Variants in SYNM observed in about 807,000 individuals in gnomAD.
The protein encoded by SYNM is desmuslin.
A neutral mutation model predicts 104.0 loss-of-function variants in SYNM; 95 were observed. That is an observed-to-expected ratio of 0.91 (90% CI 0.77 to 1.08). SYNM has a LOEUF of 1.08. SYNM is among the 50% of genes least tolerant of loss of function. SYNM has a pLI of 0.00. For missense variants in SYNM, 2,150 were observed against 2,052.2 expected, an observed-to-expected ratio of 1.05 and a Z score of -0.92; for synonymous variants, 918 against 869.0, an observed-to-expected ratio of 1.06 and a Z score of -0.99.
chr15:99,115,467 C>CTTTTTT (rs1239411620), intron 2 of SYNM, among the ~76,000 whole-genome samples: 2 of 99,116 alleles, frequency 2.0e-5, no homozygotes, highest in Admixed American at 1.1e-4. Flanking sequence ...TTATTTTATT[C>CTTTTTT]TATTTTTTTT....
Position 99,105,719 on chromosome 15 carries a change from G to C in SYNM, c.520G>C (p.Ala174Pro). Reference sequence around the variant, plus strand: ...TTTCCGCGCCCGCGCCACCGGCCCCGCCGCGCCGCCGCCACGCCTGCGGGA... The same window carrying C: ...TTTCCGCGCCCGCGCCACCGGCCCCCCCGCGCCGCCGCCACGCCTGCGGGA... ...MHFRARATGP[A>P]APPPRLREVH... is the part of the protein sequence containing the mutation. The change falls in exon 1 of 4, where the codon GCC becomes CCC. Residue 174 changes from alanine to proline, a missense_variant. Ala to Pro is a conservative substitution (Grantham distance 27, BLOSUM62 -1). Coordinates refer to ENST00000336292, the MANE Select transcript of SYNM (RefSeq NM_145728.3). 6.7e-7 allele frequency: 1 copy of C among 1,498,116 alleles called. No individual in the cohort carries two copies. Among genetic ancestry groups the C allele is most frequent in the Non-Finnish European group, 8.9e-7 (1 of 1,128,016 alleles). 92.8% of individuals were successfully genotyped at this position (1,498,116 alleles called of 1,614,324 possible). A position where few individuals can be genotyped will look rare whatever the true frequency, so the allele number is the denominator to read the frequency against.
chr15:99,119,651 A>G (rs1555484326), intron 2 of SYNM, among the ~76,000 whole-genome samples: 1 of 152,210 alleles, frequency 6.6e-6, no homozygotes, highest in Non-Finnish European at 1.5e-5. Context: ...GAGAGGCCAC[A>G]CTTTAGAGAA....
chr15:99,130,362 G>T lies in SYNM; in HGVS notation c.2002G>T (p.Val668Phe), dbSNP rs781879353. Residue 668 changes from valine to phenylalanine, a missense_variant, in exon 4 of 4, where the codon GTC (valine) becomes TTC (phenylalanine). By Grantham distance (50) the Val-to-Phe change is conservative. Coordinates refer to ENST00000336292, the MANE Select transcript of SYNM (RefSeq NM_145728.3). ...TGCTGATTCTTTTCCAGACACAAAAGTCACTTACGTGGACAGGAAAGAGCT... is the reference window on the plus strand; with the variant it reads ...TGCTGATTCTTTTCCAGACACAAAATTCACTTACGTGGACAGGAAAGAGCT... ...ASADSFPDTK[V>F]TYVDRKELPG... 5 of 1,613,714 alleles carry T rather than the reference G, an allele frequency of 3.1e-6. No homozygotes were observed. The South Asian group carries it at 3.3e-5, about 11-fold the overall frequency.
chr15:99,109,184 C>T (rs190626001), intron 1 of SYNM, among the ~76,000 whole-genome samples: 3 of 152,258 alleles, frequency 2.0e-5, no homozygotes, highest in East Asian at 3.9e-4. Context: ...CTGTATGAGG[C>T]GGTAGTCATT....
rs782548252 is a variant in SYNM, at chr15:99,132,122, G to A, written c.3762G>A (p.Glu1254=). 2 of 1,614,042 alleles carry A rather than the reference G, an allele frequency of 1.2e-6. No homozygotes were observed. The highest frequency in any genetic ancestry group is 8.5e-7 in the Non-Finnish European group (1 of 1,179,908). Residue 1254 remains glutamate (E), a synonymous_variant, in exon 4 of 4, where the codon GAG becomes GAA. Transcript: ENST00000336292. The stretch of plus-strand genomic sequence containing the variant: ...TTGGTGATTATTTTGCAACAGAAGA[G>A]TCAGTGGGTACCCAGACTTCTGTCA... ...GKVGDYFATE[E]SVGTQTSVRQ... is the part of the protein sequence containing the mutation.
downstream of SYNM, chr15:99,136,738 G>C: frequency 8.7e-6 from 1 of 114,678 alleles, no homozygotes. Context: ...AACTAGATAG[G>C]ACACACGGTG....
intron 2 of SYNM, among the ~76,000 whole-genome samples, chr15:99,114,219 A>G (rs149092216): frequency 7.2e-5 from 11 of 152,326 alleles, no homozygotes; most frequent in East Asian, 1.9e-4. Flanking sequence ...GAAACTTACA[A>G]TCGTGGCGGA....
chr15:99,138,423 C>T (rs183524567), downstream of SYNM, among the ~76,000 whole-genome samples: 2 of 152,232 alleles, frequency 1.3e-5, no homozygotes, highest in East Asian at 1.9e-4. Flanking sequence ...AAGCAACTCT[C>T]ATGCCTCAGT....
rs1555485844 is a variant in SYNM, at chr15:99,131,361, G to A, written c.3001G>A (p.Ala1001Thr). Residue 1001 changes from alanine to threonine, a missense_variant, in exon 4 of 4, where the codon GCT becomes ACT. By Grantham distance (58) the Ala-to-Thr change is moderately conservative. Transcript: ENST00000336292. This position sits in a 1 kb window ranked among gnomAD's most constrained non-coding sequence, Gnocchi z 4.3. ...TGGTGGCAGTTCCGTGACCCTGGTT[G>A]CTGAAGTCAACGTCTCACAAACTGT... ...GAGGSSVTLV[A>T]EVNVSQTVDA... 6.2e-7 allele frequency: 1 copy of A among 1,613,316 alleles called. No individual in the cohort carries two copies.
In SYNM at chr15:99,130,372, T is replaced by C; in HGVS notation, c.2012T>C (p.Val671Ala). ...DSFPDTKVTY[V>A]DRKELPGERK... The stretch of plus-strand genomic sequence containing the variant: ...TTTCCAGACACAAAAGTCACTTACG[T>C]GGACAGGAAAGAGCTTCCTGGGGAA... Residue 671 changes from valine (V) to alanine (A), a missense_variant, in exon 4 of 4, where the codon GTG becomes GCG. By Grantham distance (64) the Val-to-Ala change is moderately conservative. Transcript: ENST00000336292. 6.2e-7 allele frequency: 1 copy of C among 1,613,694 alleles called. No homozygotes were observed. The highest frequency in any genetic ancestry group is 8.5e-7 in the Non-Finnish European group (1 of 1,179,774).
rs1248959241 is a variant in SYNM at position 99,131,662 on chromosome 15, C to T, written c.3302C>T (p.Ala1101Val). 6.2e-7 allele frequency: 1 copy of T among 1,612,050 alleles called. No individual in the cohort carries two copies. Among genetic ancestry groups the T allele is most frequent in the Non-Finnish European group, 8.5e-7 (1 of 1,179,598 alleles). ...CGCACTCCCCAGGGCCCAGTGTCGG[C>T]CACTGTGGAGGTCAGCAGCCCCACA... Reference protein sequence around the residue: ...GQRTPQGPVSATVEVSSPTGF... With the variant: ...GQRTPQGPVSVTVEVSSPTGF... Residue 1101 changes from alanine (A) to valine (V), a missense_variant, in exon 4 of 4, where the codon GCC becomes GTC. Ala to Val is a moderately conservative substitution (Grantham distance 64). Transcript: ENST00000336292. This position sits in a 1 kb window ranked among gnomAD's most constrained non-coding sequence, Gnocchi z 4.3.
Position 99,131,262 on chromosome 15 carries a change from C to T in SYNM, c.2902C>T (p.Leu968=). ...ETLPERMREE[L]SALTREGQGG... ...CCTTCCCGAGCGCATGAGGGAGGAG[C>T]TGTCCGCCCTCACCAGAGAGGGGCA... Residue 968 remains leucine (L), a synonymous_variant, in exon 4 of 4, where the codon CTG becomes TTG. Coordinates refer to ENST00000336292, the MANE Select transcript of SYNM (RefSeq NM_145728.3). This position sits in a 1 kb window ranked among gnomAD's most constrained non-coding sequence, Gnocchi z 4.3. 1 of 1,611,050 alleles carries T rather than the reference C, an allele frequency of 6.2e-7. No homozygotes were observed. Among genetic ancestry groups the T allele is most frequent in the Admixed American group, 1.7e-5 (1 of 59,622 alleles).
downstream of SYNM, chr15:99,139,099 T>C (rs553454843): frequency 6.3e-5 from 42 of 662,932 alleles, 1 homozygote; most frequent in South Asian, 6.7e-4. Flanking sequence ...ACATCCAGCA[T>C]ATATTTCTGA....
downstream of SYNM, chr15:99,136,480 C>G (rs1555486880): frequency 6.6e-6 from 1 of 152,264 alleles, no homozygotes; most frequent in African/African-American, 2.4e-5. Context: ...GTTTCATTTC[C>G]TGGTGAGGGC....
rs1555482368 is a variant in SYNM at position 99,105,357 on chromosome 15, G to A, written c.158G>A (p.Trp53Ter). The A allele has an allele frequency of 6.5e-7, 1 of 1,533,800 alleles. No homozygotes were observed. ...GGCCGGCGCGGGCGAGAGGGCCTGT[G>A]GGCCGAGGGGCAGGCCCGCTGCGCC... Reference protein sequence around the residue: ...LRGRRGREGLWAEGQARCAEE... With the variant: ...LRGRRGREGL The change falls in exon 1 of 4, where the codon TGG (tryptophan) becomes TAG (stop). Residue 53 changes from tryptophan to a stop codon, truncating the protein, a stop_gained. Coordinates refer to ENST00000336292, the MANE Select transcript of SYNM (RefSeq NM_145728.3). LOFTEE classifies it high-confidence loss of function.
chr15:99,111,587 T>C (rs1555483405), intron 1 of SYNM, among the ~76,000 whole-genome samples: 2 of 152,244 alleles, frequency 1.3e-5, no homozygotes, highest in African/African-American at 2.4e-5. Context: ...CCCTGGGACA[T>C]AAGCCAGTGA....
At chr15:99,116,172 A>C (rs1327663113) in intron 2 of SYNM, among the ~76,000 whole-genome samples, 1 of 152,248 alleles carries the variant, frequency 6.6e-6, no homozygotes, top group Non-Finnish European at 1.5e-5. Context: ...AAAGGGGAAA[A>C]GATGTTGCCA....
downstream of SYNM, chr15:99,138,033 G>C: frequency 6.2e-7 from 1 of 1,614,048 alleles, no homozygotes; most frequent in Non-Finnish European, 8.5e-7. Flanking sequence ...GTGCCGGGCC[G>C]GGCCTTCCCC....
chr15:99,126,062 A>G (rs979326022), intron 2 of SYNM, among the ~76,000 whole-genome samples: 1 of 152,180 alleles, frequency 6.6e-6, no homozygotes, highest in Admixed American at 6.5e-5. Context: ...CAGGATGCCA[A>G]TTTGGATGAA....
Sources: gnomAD v4.1 joint callset for allele counts (sites outside exome capture counted in the v4.1 genomes callset) on GRCh38, gnomAD v4.1.1 for gene constraint, Gnocchi (gnomAD v3.1) non-coding constraint, MANE v1.5 for transcripts, NCBI Gene and HGNC (gene_info 2026-07-23, HGNC 2026-07-21) for gene names.